The following RNF19A variants were observed in gnomAD, a reference collection of about 807,000 sequenced individuals.
The protein encoded by RNF19A is E3 ubiquitin-protein ligase RNF19A.
RNF19A carries 32 observed loss-of-function variants against 75.7 expected under a neutral mutation model. The ratio of observed to expected loss-of-function variants is 0.42; its 90% CI spans 0.32 to 0.57. The LOEUF (loss-of-function observed/expected upper bound fraction) is 0.57. Among genes scored for constraint, RNF19A ranks in the 20% least tolerant of loss-of-function variants. The pLI is 0.10. For synonymous variants in RNF19A, 335 were observed against 345.2 expected (o/e 0.97, Z 0.33); for missense variants, 782 against 1,036.3 (o/e 0.75, Z 3.37).
chr8:100,259,016 A>T lies in RNF19A; in HGVS notation c.2057T>A (p.Ile686Lys). 2 of 1,614,170 alleles carry T rather than the reference A, an allele frequency of 1.2e-6. No homozygotes were observed. The highest frequency in any genetic ancestry group is 1.7e-6 in the Non-Finnish European group (2 of 1,180,016). The part of the protein sequence containing the change: ...GKLRKKGNMK[I>K]NETREDMDAQ... ...ATCCATGTCCTCTCTCGTCTCATTT[A>T]TCTTCATGTTACCCTTTTTCCTCAG... is the stretch of plus-strand genomic sequence containing the variant. Residue 686 changes from isoleucine to lysine, a missense_variant, in exon 10 of 10, where the codon ATA becomes AAA. Physicochemically the swap from Ile to Lys is moderately radical, Grantham distance 102. This residue lies in a region of RNF19A where 442 missense variants were observed against 541.6 expected (regional missense o/e 0.82). Coordinates refer to ENST00000341084, the MANE Select transcript of RNF19A (RefSeq NM_183419.4). This position sits in a 1 kb window ranked among gnomAD's most constrained non-coding sequence, Gnocchi z 4.5.
In RNF19A at chr8:100,269,638, T is replaced by A. The variant is rs766109764; in HGVS notation, c.1028+231A>T. On this transcript the variant is annotated intron_variant, in intron 4 of 9. Transcript: ENST00000341084. The surrounding 1 kb of genome is among the most constrained non-coding windows in gnomAD (Gnocchi z 5.7). ...CATAATTACACAGGGTATTACATAC[T>A]TACTAGCATTCTAGTTTAACAAAAA... 1.3e-5 allele frequency among the ~76,000 whole-genome samples: 2 copies of A among 152,158 alleles called. No homozygotes were observed. The highest frequency in any genetic ancestry group is 6.6e-5 in the Admixed American group (1 of 15,264).
intron 1 of RNF19A, among the ~76,000 whole-genome samples, chr8:100,316,169 C>T (rs1377431182): frequency 1.3e-5 from 2 of 151,284 alleles, no homozygotes; most frequent in Non-Finnish European, 2.9e-5. Flanking sequence ...CTTAAGACGG[C>T]GTGTCTGGAG....
At chr8:100,310,510 C>T (rs1000342528), upstream of RNF19A, among the ~76,000 whole-genome samples, 2 of 152,232 alleles carry the variant, frequency 1.3e-5, no homozygotes, top group Admixed American at 6.5e-5. Flanking sequence ...GCAGTTTGCC[C>T]GGCATTATTC....
At chr8:100,311,704 C>T (rs1175024857), upstream of RNF19A, among the ~76,000 whole-genome samples, 6 of 110,486 alleles carry the variant, frequency 5.4e-5, no homozygotes, top group Admixed American at 1.4e-4. Context: ...GGCGACAGAG[C>T]GAGACTCCGT....
At chr8:100,296,702 C>T (rs1278176128) in intron 1 of RNF19A, among the ~76,000 whole-genome samples, 2 of 152,080 alleles carry the variant, frequency 1.3e-5, no homozygotes. Context: ...ATTTAACTTG[C>T]CAGTAAAAGT....
In RNF19A at chr8:100,323,719, G is replaced by C. The variant is rs1375678647; in HGVS notation, c.-242-10347C>G. On this transcript the variant is annotated intron_variant, in intron 1 of 3. Transcript: ENST00000519527. The surrounding 1 kb of genome is among the most constrained non-coding windows in gnomAD (Gnocchi z 4.6). ...ATTGAAAGTTTGTGTGATATGAAAA[G>C]ATAGGCAAGAGATGACATATAATAA... Among the ~76,000 whole-genome samples the C allele has an allele frequency of 6.6e-6, 1 of 152,194 alleles. No homozygotes were observed. The highest frequency in any genetic ancestry group is 1.9e-4 in the East Asian group (1 of 5,204).
chr8:100,318,979 T>C (rs1167676514), intron 1 of RNF19A, among the ~76,000 whole-genome samples: 1 of 152,262 alleles, frequency 6.6e-6, no homozygotes, highest in Non-Finnish European at 1.5e-5. Flanking sequence ...GTTCTTCCTG[T>C]TGCCCTGGAT....
At chr8:100,273,807 G>C (rs1001724405) in intron 3 of RNF19A, among the ~76,000 whole-genome samples, 1 of 151,868 alleles carries the variant, frequency 6.6e-6, no homozygotes, top group African/African-American at 2.4e-5. Context: ...TTTTGAGATG[G>C]AGTCTCACTC....
At chr8:100,292,294 T>C (rs1821334978) in intron 1 of RNF19A, among the ~76,000 whole-genome samples, 1 of 152,154 alleles carries the variant, frequency 6.6e-6, no homozygotes. Flanking sequence ...ATAGCAAAGA[T>C]ATTTTTAGTA....
intron 1 of RNF19A, among the ~76,000 whole-genome samples, chr8:100,303,846 A>G (rs1365796500): frequency 6.6e-6 from 1 of 151,302 alleles, no homozygotes; most frequent in Admixed American, 6.6e-5. Flanking sequence ...CTGAGGAATG[A>G]GAATCGTTTC....
rs1040470914 is a variant in RNF19A, at chr8:100,275,690, G to T, written c.675-529C>A. ...AAAAACACCAAAAATCTTAATAATGGTTTTCTTGGTATTGGGTTTTAATTT... is the reference window on the plus strand; with the variant it reads ...AAAAACACCAAAAATCTTAATAATGTTTTTCTTGGTATTGGGTTTTAATTT... On this transcript the variant is annotated intron_variant, in intron 2 of 9. Coordinates refer to ENST00000341084, the MANE Select transcript of RNF19A (RefSeq NM_183419.4). The surrounding 1 kb of genome is among the most constrained non-coding windows in gnomAD (Gnocchi z 4.3). 1.3e-5 allele frequency among the ~76,000 whole-genome samples: 2 copies of T among 151,896 alleles called. No homozygotes were observed. The highest frequency in any genetic ancestry group is 2.9e-5 in the Non-Finnish European group (2 of 67,968).
Position 100,284,869 on chromosome 8 carries a change from T to C in RNF19A, c.674+2632A>G, listed in dbSNP as rs1219257185. ...CAGCAGGATGATCATTAACTCACAA[T>C]CTAAATTGGAACACTTGAGAAAGAA... On this transcript the variant is annotated intron_variant, in intron 2 of 9. Transcript: ENST00000341084. The surrounding 1 kb of genome is among the most constrained non-coding windows in gnomAD (Gnocchi z 4.3). Among the ~76,000 whole-genome samples, 1 of 152,114 alleles carries C rather than the reference T, an allele frequency of 6.6e-6. No individual in the cohort carries two copies. Among genetic ancestry groups the C allele is most frequent in the East Asian group, 1.9e-4 (1 of 5,204 alleles).
chr8:100,295,392 G>T (rs905660982), intron 1 of RNF19A, among the ~76,000 whole-genome samples: 6 of 151,978 alleles, frequency 3.9e-5, no homozygotes, highest in African/African-American at 1.5e-4. Context: ...TTGCACAAAA[G>T]AAATCACTAT....
chr8:100,286,210 C>T (rs953959863), intron 2 of RNF19A, among the ~76,000 whole-genome samples: 9 of 152,124 alleles, frequency 5.9e-5, no homozygotes, highest in African/African-American at 1.9e-4. Context: ...CTATTTTCTT[C>T]CCACCTTTTT....
intron 1 of RNF19A, among the ~76,000 whole-genome samples, chr8:100,292,764 T>G (rs558877877): frequency 6.6e-6 from 1 of 152,332 alleles, no homozygotes; most frequent in South Asian, 2.1e-4. Context: ...ACATACATAC[T>G]GATTTAATTT....
chr8:100,264,376 A>G lies in RNF19A; in HGVS notation c.1307-181T>C. ...GTTGTTAAGCAAATTCAAGGTTCCC[A>G]GCCTTTCAGGTAATGCACATAAGGG... is the stretch of plus-strand genomic sequence containing the variant. On this transcript the variant is annotated intron_variant, in intron 6 of 9. Transcript: ENST00000341084. The surrounding 1 kb of genome is among the most constrained non-coding windows in gnomAD (Gnocchi z 4.7). The G allele has an allele frequency of 1.6e-6, 1 of 619,614 alleles. No individual in the cohort carries two copies. Among genetic ancestry groups the G allele is most frequent in the Non-Finnish European group, 2.7e-6 (1 of 364,200 alleles). The allele number at this position is 619,614 out of a possible 1,614,324, so 38.4% of individuals were successfully genotyped here.
rs1819548125 is a variant in RNF19A at position 100,258,387 on chromosome 8, A to G, written c.*169T>C. On this transcript the variant is annotated 3_prime_UTR_variant, in exon 10 of 10. Coordinates refer to ENST00000341084, the MANE Select transcript of RNF19A (RefSeq NM_183419.4). This position sits in a 1 kb window ranked among gnomAD's most constrained non-coding sequence, Gnocchi z 4.3. ...AAAGCCTTCACTTCATAGTTTGGTAACTAAGATCCACATGACACACAATGC... is the reference window on the plus strand; with the variant it reads ...AAAGCCTTCACTTCATAGTTTGGTAGCTAAGATCCACATGACACACAATGC... The G allele has an allele frequency of 1.8e-5, 10 of 558,908 alleles. No homozygotes were observed. Among genetic ancestry groups the G allele is most frequent in the Non-Finnish European group, 3.1e-5 (10 of 320,930 alleles). 34.6% of individuals were successfully genotyped at this position (558,908 alleles called of 1,614,324 possible). A position where few individuals can be genotyped will look rare whatever the true frequency, so the allele number is the denominator to read the frequency against.
In RNF19A at chr8:100,288,925, T is replaced by C. The variant is rs113242112; in HGVS notation, c.-93-658A>G. 5.2e-3 allele frequency among the ~76,000 whole-genome samples: 784 copies of C among 152,090 alleles called. 10 individuals are homozygous for C. The highest frequency in any genetic ancestry group is 0.018 in the African/African-American group (767 of 41,488). On this transcript the variant is annotated intron_variant, in intron 1 of 9. Coordinates refer to ENST00000341084, the MANE Select transcript of RNF19A (RefSeq NM_183419.4). ...AATACAAAAAACTAGCCGGGTGTGGTGGCGGGCCCCTGTAGTCCCAGCTAT... is the reference window on the plus strand; with the variant it reads ...AATACAAAAAACTAGCCGGGTGTGGCGGCGGGCCCCTGTAGTCCCAGCTAT...
intron 2 of RNF19A, among the ~76,000 whole-genome samples, chr8:100,276,529 A>G (rs760143416): frequency 1.3e-5 from 2 of 152,000 alleles, no homozygotes; most frequent in African/African-American, 4.8e-5. Flanking sequence ...AGGTGGGCAG[A>G]TCACTTGAGG....
Sources: allele counts gnomAD v4.1 joint callset (sites outside exome capture counted in the v4.1 genomes callset), GRCh38; gene constraint gnomAD v4.1.1; regional missense constraint gnomAD v4.1.1; non-coding constraint Gnocchi (gnomAD v3.1); transcripts MANE v1.5; gene names NCBI Gene and HGNC (gene_info 2026-07-23, HGNC 2026-07-21).